Variants in CDH20 observed in about 807,000 individuals in gnomAD.
CDH20 encodes the protein cadherin 20.
A neutral mutation model predicts 74.2 loss-of-function variants in CDH20; 29 were observed. That is an observed-to-expected ratio of 0.39 (90% confidence interval 0.29 to 0.53). The LOEUF (loss-of-function observed/expected upper bound fraction) is 0.53. Ranked by LOEUF, CDH20 falls within the 20% of genes least tolerant of loss-of-function variation. The pLI is 0.69. For synonymous variants in CDH20, 469 were observed against 405.4 expected (o/e 1.16, Z -1.88); for missense variants, 988 against 1,048.3 (o/e 0.94, Z 0.79).
intron 1 of CDH20, among the ~76,000 whole-genome samples, chr18:61,432,407 C>A (rs994557924): frequency 9.2e-5 from 14 of 152,112 alleles, no homozygotes; most frequent in African/African-American, 3.4e-4. Flanking sequence ...GGTGCCCAGA[C>A]CTTGGCAGTT....
intron 11 of CDH20, 92 bp downstream of exon 11, chr18:61,550,321 T>C (rs1461475020): frequency 1.4e-6 from 2 of 1,464,786 alleles, no homozygotes; most frequent in Non-Finnish European, 1.9e-6. Flanking sequence ...TATTCAGAAC[T>C]GGTCTTCCAC....
At chr18:61,380,951 C>T (rs554352408) in intron 1 of CDH20, among the ~76,000 whole-genome samples, 15 of 152,276 alleles carry the variant, frequency 9.9e-5, no homozygotes, top group African/African-American at 3.6e-4. Context: ...AAGCATATAG[C>T]CATACTTTTA....
chr18:61,456,658 A>C (rs906505479), intron 1 of CDH20, among the ~76,000 whole-genome samples: 1 of 152,170 alleles, frequency 6.6e-6, no homozygotes, highest in Non-Finnish European at 1.5e-5. Context: ...TTAAAAAAAA[A>C]ACAAAAAACA....
chr18:61,360,532 G>C (rs74689538), intron 1 of CDH20, among the ~76,000 whole-genome samples: 2,288 of 152,294 alleles, frequency 0.015, 22 homozygotes, highest in South Asian at 0.023. Flanking sequence ...AGGAGGCGAG[G>C]GGAGGGGAGG....
chr18:61,341,598 C>T (rs750960820), intron 1 of CDH20, among the ~76,000 whole-genome samples: 2 of 152,170 alleles, frequency 1.3e-5, no homozygotes, highest in Non-Finnish European at 2.9e-5. Context: ...AAAGACTTCA[C>T]ATCAATTTGC....
At chr18:61,341,861 T>C (rs564177857) in intron 1 of CDH20, among the ~76,000 whole-genome samples, 5 of 152,302 alleles carry the variant, frequency 3.3e-5, no homozygotes, top group African/African-American at 1.2e-4. Context: ...AACATCACAG[T>C]TTTGAAGTGT....
intron 6 of CDH20, among the ~76,000 whole-genome samples, chr18:61,508,923 C>T: frequency 6.6e-6 from 1 of 152,176 alleles, no homozygotes; most frequent in South Asian, 2.1e-4. Context: ...AGGCGTGAGC[C>T]ACTGCACCCA....
chr18:61,555,775 G>A lies in CDH20; in HGVS notation c.*1080G>A. ...TCTTTTAATAAAAGTTAAATAGAAG[G>A]AAAAGTCTATTGTGAATTTGTTTAA... On this transcript the variant is annotated 3_prime_UTR_variant, in exon 12 of 12. Coordinates refer to ENST00000262717, the MANE Select transcript of CDH20 (RefSeq NM_031891.4). The A allele has an allele frequency of 4.2e-6, 4 of 954,614 alleles. No individual in the cohort carries two copies. Among genetic ancestry groups the A allele is most frequent in the Non-Finnish European group, 5.0e-6 (4 of 801,942 alleles). 59.1% of individuals were successfully genotyped at this position (954,614 alleles called of 1,614,324 possible).
intron 1 of CDH20, among the ~76,000 whole-genome samples, chr18:61,471,438 T>C (rs186496056): frequency 2.4e-4 from 37 of 152,340 alleles, no homozygotes; most frequent in African/African-American, 7.0e-4. Context: ...AGTAATATAA[T>C]GAACTGGAGG....
chr18:61,398,234 A>C (rs768676107), intron 1 of CDH20, among the ~76,000 whole-genome samples: 2 of 152,214 alleles, frequency 1.3e-5, no homozygotes, highest in Non-Finnish European at 2.9e-5. Flanking sequence ...TACATAGTAC[A>C]TGTCTTATTT....
chr18:61,420,495 T>C (rs1270993813), intron 1 of CDH20, among the ~76,000 whole-genome samples: 1 of 152,164 alleles, frequency 6.6e-6, no homozygotes, highest in Admixed American at 6.5e-5. Flanking sequence ...CTCTACTTCA[T>C]GCGTGGTACC....
chr18:61,428,637 C>A (rs1345103974), intron 1 of CDH20, among the ~76,000 whole-genome samples: 1 of 152,158 alleles, frequency 6.6e-6, no homozygotes, highest in Admixed American at 6.5e-5. Flanking sequence ...ATTGTGCCTG[C>A]CTCATTTCCT....
intron 1 of CDH20, among the ~76,000 whole-genome samples, chr18:61,401,353 T>C (rs745727342): frequency 1.3e-5 from 2 of 152,226 alleles, no homozygotes; most frequent in Admixed American, 6.5e-5. Context: ...ATTTATTGCG[T>C]TATGTTACAG....
chr18:61,541,133 A>ACC (rs1271221997), intron 9 of CDH20, among the ~76,000 whole-genome samples: 5 of 152,130 alleles, frequency 3.3e-5, no homozygotes, highest in Non-Finnish European at 7.4e-5. Flanking sequence ...TAAAAACTAC[A>ACC]CCTACATGCT....
intron 1 of CDH20, among the ~76,000 whole-genome samples, chr18:61,470,442 G>T (rs753215516): frequency 6.6e-6 from 1 of 152,234 alleles, no homozygotes; most frequent in Non-Finnish European, 1.5e-5. Context: ...TTCCTACTGT[G>T]AGGGAGGCCC....
At chr18:61,361,911 T>A (rs1910706030) in intron 1 of CDH20, among the ~76,000 whole-genome samples, 1 of 152,214 alleles carries the variant, frequency 6.6e-6, no homozygotes, top group Non-Finnish European at 1.5e-5. Context: ...ATAATGATTA[T>A]AATTACAGTA....
chr18:61,457,265 G>T (rs865782416), intron 1 of CDH20, among the ~76,000 whole-genome samples: 4 of 151,990 alleles, frequency 2.6e-5, no homozygotes, highest in African/African-American at 9.7e-5. Context: ...TAGAACACCT[G>T]GTCTGAATAG....
At chr18:61,491,417 C>T (rs1006098936) in intron 2 of CDH20, among the ~76,000 whole-genome samples, 2 of 152,096 alleles carry the variant, frequency 1.3e-5, no homozygotes, top group Non-Finnish European at 2.9e-5. Context: ...TTTGTGAAAG[C>T]AACCAAGTGA....
At chr18:61,522,476 A>C (rs1842926693) in intron 6 of CDH20, among the ~76,000 whole-genome samples, 1 of 152,226 alleles carries the variant, frequency 6.6e-6, no homozygotes, top group African/African-American at 2.4e-5. Context: ...ATATCGTGAA[A>C]ATGGCCATAC....
Sources: allele counts gnomAD v4.1 joint callset (sites outside exome capture counted in the v4.1 genomes callset), GRCh38; gene constraint gnomAD v4.1.1; transcripts MANE v1.5; gene names NCBI Gene and HGNC (gene_info 2026-07-23, HGNC 2026-07-21).